Variants in THSD7B observed in about 807,000 individuals in gnomAD.
THSD7B encodes the protein thrombospondin type 1 domain containing 7B.
A neutral mutation model predicts 213.6 loss-of-function variants in THSD7B; 138 were observed. The ratio of observed to expected loss-of-function variants is 0.65; its 90% CI spans 0.56 to 0.74. THSD7B has a LOEUF of 0.74. Ranked by LOEUF, THSD7B falls within the 30% of genes least tolerant of loss-of-function variation. The probability of loss-of-function intolerance (pLI) is 0.00; values close to 1 mark genes in which losing one functional copy is unlikely to be tolerated. For synonymous variants in THSD7B, 742 were observed against 687.0 expected (o/e 1.08, Z -1.25); for missense variants, 1,931 against 1,991.5 (o/e 0.97, Z 0.58).
chr2:137,060,418 T>C (rs1263070508), intron 3 of THSD7B, among the ~76,000 whole-genome samples: 1 of 151,958 alleles, frequency 6.6e-6, no homozygotes. Context: ...TTGGTGTTGT[T>C]TAAAAATATC....
At chr2:137,286,334 G>A (rs780840383) in intron 12 of THSD7B, among the ~76,000 whole-genome samples, 5 of 151,908 alleles carry the variant, frequency 3.3e-5, no homozygotes, top group Admixed American at 6.6e-5. Flanking sequence ...TCCAACTTTC[G>A]TCTGGAAAAC....
chr2:136,864,691 C>G (rs977217237), intron 1 of THSD7B, among the ~76,000 whole-genome samples: 2 of 152,094 alleles, frequency 1.3e-5, no homozygotes, highest in African/African-American at 4.8e-5. Context: ...TAGCTGGGAC[C>G]ACAGGCTCCA....
At chr2:137,464,784 T>C (rs1051654391) in intron 15 of THSD7B, among the ~76,000 whole-genome samples, 1 of 152,028 alleles carries the variant, frequency 6.6e-6, no homozygotes, top group Non-Finnish European at 1.5e-5. Flanking sequence ...TTACTGAGGA[T>C]AGTGTGTGGT....
Position 137,286,368 on chromosome 2 carries a change from A to G in THSD7B, c.2500+10342A>G, listed in dbSNP as rs540542888. On this transcript the variant is annotated intron_variant, in intron 12 of 27. Coordinates refer to ENST00000409968, the MANE Select transcript of THSD7B (RefSeq NM_001316349.2). ...ACACATAGAAATATAGCAAAAACAC[A>G]CACTCTAAAATAAAGATGTCATTAT... Among the ~76,000 whole-genome samples the G allele has an allele frequency of 2.6e-5, 4 of 152,258 alleles. No homozygotes were observed. The South Asian group carries it at 8.4e-4, about 32-fold the overall frequency.
intron 17 of THSD7B, 100 bp downstream of exon 17, chr2:137,572,656 T>C (rs1194905789): frequency 6.3e-6 from 8 of 1,275,262 alleles, no homozygotes; most frequent in South Asian, 2.0e-5. Flanking sequence ...ATTCTTCTAG[T>C]AACATGGGAA....
rs186740620 is a variant in THSD7B, at chr2:137,569,890, G to C, written c.3273-2516G>C. 1.6e-4 allele frequency among the ~76,000 whole-genome samples: 24 copies of C among 151,958 alleles called. No individual in the cohort carries two copies. In the East Asian group the frequency reaches 4.4e-3, roughly 28 times the overall value. ...ATTGGGAGTGAATGGAGACTAATAT[G>C]TACATTCACTGGATTTCATTAACCA... is the stretch of plus-strand genomic sequence containing the variant. On this transcript the variant is annotated intron_variant, in intron 16 of 27. Transcript: ENST00000409968.
chr2:136,804,543 A>G (rs751870448), intron 1 of THSD7B, among the ~76,000 whole-genome samples: 4 of 152,180 alleles, frequency 2.6e-5, no homozygotes, highest in Non-Finnish European at 5.9e-5. Flanking sequence ...AAAGACCAAT[A>G]TGAATATCAA....
At chr2:137,092,225 C>A (rs568636509) in intron 3 of THSD7B, among the ~76,000 whole-genome samples, 21 of 152,192 alleles carry the variant, frequency 1.4e-4, no homozygotes, top group Non-Finnish European at 2.5e-4. Context: ...CCAGCCTGGG[C>A]AACATGACAA....
At chr2:137,395,017 C>A (rs1686139509) in intron 12 of THSD7B, among the ~76,000 whole-genome samples, 1 of 143,276 alleles carries the variant, frequency 7.0e-6, no homozygotes, top group African/African-American at 2.6e-5. Context: ...GATTTTGTAT[C>A]CTGAGACTTT....
At chr2:137,644,812 T>A (rs1682999499) in intron 21 of THSD7B, among the ~76,000 whole-genome samples, 1 of 152,204 alleles carries the variant, frequency 6.6e-6, no homozygotes, top group South Asian at 2.1e-4. Flanking sequence ...TGATGATATT[T>A]AGGTGGCTGC....
In THSD7B at chr2:137,583,709, GGTACCA is replaced by G. The variant is rs554767488; in HGVS notation, c.3423+11160_3423+11165del. Among the ~76,000 whole-genome samples, 20 of 152,144 alleles carry G rather than the reference GGTACCA, an allele frequency of 1.3e-4. No individual in the cohort carries two copies. In the East Asian group the frequency reaches 3.7e-3, roughly 28 times the overall value. On this transcript the variant is annotated intron_variant, in intron 17 of 27. Coordinates refer to ENST00000409968, the MANE Select transcript of THSD7B (RefSeq NM_001316349.2). ...TTCCATTGGTCTATATCTCTGTTTT[GGTACCA>G]GTACCATGCTGTTTTGGTTACTGTA...
intron 7 of THSD7B, among the ~76,000 whole-genome samples, chr2:137,229,229 G>C (rs1280456626): frequency 6.6e-6 from 1 of 152,138 alleles, no homozygotes; most frequent in Non-Finnish European, 1.5e-5. Flanking sequence ...TAGCTTTAAA[G>C]TATTTTGTGC....
chr2:137,311,288 A>G (rs1404858896), intron 12 of THSD7B, among the ~76,000 whole-genome samples: 2 of 151,626 alleles, frequency 1.3e-5, no homozygotes, highest in Non-Finnish European at 2.9e-5. Flanking sequence ...GACTTCACTC[A>G]TGATTTGGCT....
chr2:137,587,622 GT>G (rs1191437529), intron 17 of THSD7B, among the ~76,000 whole-genome samples: 5 of 152,330 alleles, frequency 3.3e-5, no homozygotes, highest in Admixed American at 3.3e-4. Context: ...GTTTGCCTGG[GT>G]ATCAGCAGCG....
At chr2:137,661,638 A>T (rs1009135995) in intron 25 of THSD7B, among the ~76,000 whole-genome samples, 1 of 152,118 alleles carries the variant, frequency 6.6e-6, no homozygotes, top group African/African-American at 2.4e-5. Flanking sequence ...TTTGAACAAG[A>T]GTGAAAGTTT....
chr2:137,235,865 T>A (rs529144957), intron 9 of THSD7B, among the ~76,000 whole-genome samples: 4 of 152,326 alleles, frequency 2.6e-5, no homozygotes, highest in Admixed American at 2.0e-4. Flanking sequence ...TGACTTTCTG[T>A]ACTGTTAATG....
chr2:136,930,123 C>A, intron 2 of THSD7B, among the ~76,000 whole-genome samples: 1 of 152,082 alleles, frequency 6.6e-6, no homozygotes, highest in East Asian at 1.9e-4. Context: ...TTCTTATAAC[C>A]AAAATGGAGA....
chr2:137,268,240 G>T (rs1225166866), intron 10 of THSD7B, among the ~76,000 whole-genome samples: 1 of 151,900 alleles, frequency 6.6e-6, no homozygotes, highest in Non-Finnish European at 1.5e-5. Context: ...TGCCATGTTG[G>T]TTTGCTGCAC....
chr2:136,909,441 C>A (rs1227382883), intron 2 of THSD7B, among the ~76,000 whole-genome samples: 1 of 152,026 alleles, frequency 6.6e-6, no homozygotes, highest in Non-Finnish European at 1.5e-5. Context: ...GAACAGAAAC[C>A]CTTTGAAGGC....
Sources: allele counts gnomAD v4.1 joint callset (sites outside exome capture counted in the v4.1 genomes callset), GRCh38; gene constraint gnomAD v4.1.1; transcripts MANE v1.5; gene names NCBI Gene and HGNC (gene_info 2026-07-23, HGNC 2026-07-21).